Variants in BLOC1S5 observed in about 807,000 individuals in gnomAD.
The protein encoded by BLOC1S5 is biogenesis of lysosomal organelles complex 1 subunit 5.
A neutral mutation model predicts 24.3 loss-of-function variants in BLOC1S5; 27 were observed. The observed-to-expected ratio is 1.11, with a 90% CI of 0.82 to 1.53. BLOC1S5 has a LOEUF of 1.53. BLOC1S5 is among the 40% of genes most tolerant of loss of function. The pLI is 0.00. For missense variants in BLOC1S5, 239 were observed against 229.4 expected (o/e 1.04, Z -0.27); for synonymous variants, 84 against 74.5 (o/e 1.13, Z -0.66).
chr6:8,040,018 C>T (rs1338917417), intron 3 of BLOC1S5, among the ~76,000 whole-genome samples: 1 of 152,144 alleles, frequency 6.6e-6, no homozygotes, highest in East Asian at 1.9e-4. Context: ...ACAAAGTAGA[C>T]TGAGAAGGAG....
chr6:8,029,439 C>T (rs1424844031), intron 3 of BLOC1S5, among the ~76,000 whole-genome samples: 1 of 152,180 alleles, frequency 6.6e-6, no homozygotes, highest in East Asian at 1.9e-4. Flanking sequence ...GATCTGCTTC[C>T]CCATCATCTT....
intron 3 of BLOC1S5, among the ~76,000 whole-genome samples, chr6:8,035,136 T>C (rs1763442353): frequency 6.6e-6 from 1 of 151,974 alleles, no homozygotes; most frequent in African/African-American, 2.4e-5. Flanking sequence ...AAGTGGGAGC[T>C]AAGCTATGAG....
rs1474656908 is a variant in BLOC1S5, at chr6:8,013,609, A to G, written c.*2040T>C. 2.6e-5 allele frequency: 4 copies of G among 152,258 alleles called. No individual in the cohort carries two copies. Among genetic ancestry groups the G allele is most frequent in the Non-Finnish European group, 5.9e-5 (4 of 68,038 alleles). 9.4% of individuals were successfully genotyped at this position (152,258 alleles called of 1,614,324 possible). A position where few individuals can be genotyped will look rare whatever the true frequency, so the allele number is the denominator to read the frequency against. On this transcript the variant is annotated 3_prime_UTR_variant, in exon 5 of 5. Transcript: ENST00000397457. ...TATTCACATGAGATGAACACAAACT[A>G]TCAGAAATCTTTGCTATACAAGTTG...
intron 3 of BLOC1S5, among the ~76,000 whole-genome samples, chr6:8,038,009 G>A (rs559711194): frequency 6.6e-6 from 1 of 152,120 alleles, no homozygotes; most frequent in East Asian, 1.9e-4. Context: ...AATAAAAATG[G>A]ATTAAAGACT....
Position 8,058,629 on chromosome 6 carries a change from G to A in BLOC1S5, c.195+3905C>T, listed in dbSNP as rs1022598584. Reference sequence around the variant, plus strand: ...TGCTTGAACCCAGCAGGTTGAGGCTGCAGTAAGCCATGATCGTGCCACTGC... The same window carrying A: ...TGCTTGAACCCAGCAGGTTGAGGCTACAGTAAGCCATGATCGTGCCACTGC... On this transcript the variant is annotated intron_variant, in intron 2 of 4. Coordinates refer to ENST00000397457, the MANE Select transcript of BLOC1S5 (RefSeq NM_201280.3). 5.9e-5 allele frequency among the ~76,000 whole-genome samples: 9 copies of A among 152,160 alleles called. No individual in the cohort carries two copies. In the East Asian group the frequency reaches 1.5e-3, roughly 26 times the overall value.
At chr6:8,052,620 C>T (rs558751902) in intron 2 of BLOC1S5, among the ~76,000 whole-genome samples, 85 of 142,486 alleles carry the variant, frequency 6.0e-4, no homozygotes, top group African/African-American at 2.0e-3. Context: ...AGGCCAGGTG[C>T]GGTGGCTCAC....
intron 2 of BLOC1S5, chr6:8,054,414 G>T: frequency 3.2e-6 from 1 of 308,548 alleles, no homozygotes; most frequent in South Asian, 2.7e-5. Context: ...ACTGTTGTTA[G>T]GTAGAAGTCT....
intron 2 of BLOC1S5, among the ~76,000 whole-genome samples, chr6:8,060,651 G>T: frequency 6.6e-6 from 1 of 152,288 alleles, no homozygotes; most frequent in Middle Eastern, 3.4e-3. Flanking sequence ...TTTAGAGGTA[G>T]ATTTGCTGAT....
chr6:8,045,517 C>T (rs533954798), intron 2 of BLOC1S5, among the ~76,000 whole-genome samples: 82 of 152,210 alleles, frequency 5.4e-4, no homozygotes, highest in African/African-American at 1.9e-3. Context: ...GTAGATCCAC[C>T]GACAGCTTGC....
intron 4 of BLOC1S5, among the ~76,000 whole-genome samples, chr6:8,023,728 T>G (rs1363775209): frequency 6.6e-6 from 1 of 152,254 alleles, no homozygotes; most frequent in Admixed American, 6.5e-5. Flanking sequence ...CATTAGGTTG[T>G]AAAATGCAGC....
intron 2 of BLOC1S5, among the ~76,000 whole-genome samples, chr6:8,043,463 G>T (rs963979092): frequency 6.6e-6 from 1 of 151,950 alleles, no homozygotes; most frequent in African/African-American, 2.4e-5. Flanking sequence ...CTAGTCATGA[G>T]AAAAACAACA....
intron 3 of BLOC1S5, among the ~76,000 whole-genome samples, chr6:8,036,092 TACAC>T (rs1385871819): frequency 6.6e-6 from 1 of 151,890 alleles, no homozygotes; most frequent in Admixed American, 6.6e-5. Flanking sequence ...ACTTGGAAAA[TACAC>T]ACACACAACA....
intron 3 of BLOC1S5, among the ~76,000 whole-genome samples, chr6:8,037,836 A>G (rs749840610): frequency 1.3e-5 from 2 of 152,344 alleles, no homozygotes; most frequent in Non-Finnish European, 1.5e-5. Flanking sequence ...ATTTATAGCC[A>G]GCTCATTTTC....
chr6:8,033,559 T>C (rs1312992412), intron 3 of BLOC1S5, among the ~76,000 whole-genome samples: 5 of 152,190 alleles, frequency 3.3e-5, no homozygotes, highest in Non-Finnish European at 5.9e-5. Flanking sequence ...ATTCAGGACA[T>C]AGGCATGGAC....
intron 3 of BLOC1S5, among the ~76,000 whole-genome samples, chr6:8,035,186 C>T (rs1043865346): frequency 2.0e-5 from 3 of 151,846 alleles, no homozygotes; most frequent in African/African-American, 4.8e-5. Flanking sequence ...ACTTTGGGGA[C>T]TCAGGGGGAA....
intron 3 of BLOC1S5, among the ~76,000 whole-genome samples, chr6:8,028,646 C>T (rs74948366): frequency 0.019 from 2,908 of 151,636 alleles, 96 homozygotes; most frequent in African/African-American, 0.067. Context: ...GACAAAGGTG[C>T]ACTTTTGTTC....
In BLOC1S5 at chr6:8,035,232, T is replaced by C. The variant is rs531888911; in HGVS notation, c.325+5907A>G. On this transcript the variant is annotated intron_variant, in intron 3 of 4. Coordinates refer to ENST00000397457, the MANE Select transcript of BLOC1S5 (RefSeq NM_201280.3). ...GAGGTAAAGGATAAAAGACTACACA[T>C]TGGGTACAGTGTACACCAAAATCTC... Among the ~76,000 whole-genome samples the C allele has an allele frequency of 2.0e-5, 3 of 152,054 alleles. No homozygotes were observed. In the South Asian group the frequency reaches 6.3e-4, roughly 32 times the overall value.
At chr6:8,017,094 C>A (rs1302076738) in intron 4 of BLOC1S5, among the ~76,000 whole-genome samples, 2 of 152,044 alleles carry the variant, frequency 1.3e-5, no homozygotes, top group African/African-American at 4.8e-5. Flanking sequence ...TTTCTCCCCC[C>A]TTCCAAAGTA....
At chr6:8,055,675 T>C (rs1007533382) in intron 2 of BLOC1S5, among the ~76,000 whole-genome samples, 1 of 152,182 alleles carries the variant, frequency 6.6e-6, no homozygotes, top group Non-Finnish European at 1.5e-5. Flanking sequence ...AAGTATTCAG[T>C]TTCCTACAAT....
Sources: allele counts gnomAD v4.1 joint callset (sites outside exome capture counted in the v4.1 genomes callset), GRCh38; gene constraint gnomAD v4.1.1; transcripts MANE v1.5; gene names NCBI Gene and HGNC (gene_info 2026-07-23, HGNC 2026-07-21).